Variants in STK38 observed in about 807,000 individuals in gnomAD.
The protein encoded by STK38 is serine/threonine-protein kinase 38.
Under a neutral mutation model 59.0 loss-of-function variants are expected in STK38, and 26 were observed. That is an observed-to-expected ratio of 0.44 (90% CI 0.32 to 0.61). The LOEUF (loss-of-function observed/expected upper bound fraction) is 0.61, where lower values mean the gene tolerates loss of function less well. Among genes scored for constraint, STK38 ranks in the 20% least tolerant of loss-of-function variants. The probability of loss-of-function intolerance (pLI) is 0.04; values close to 1 mark genes in which losing one functional copy is unlikely to be tolerated. For missense variants in STK38, 433 were observed against 566.0 expected, an observed-to-expected ratio of 0.76 and a Z score of 2.38; for synonymous variants, 175 against 176.6, an observed-to-expected ratio of 0.99 and a Z score of 0.07.
At chr6:36,539,247 G>A (rs187465064) in intron 2 of STK38, among the ~76,000 whole-genome samples, 220 of 151,934 alleles carry the variant, frequency 1.4e-3, no homozygotes, top group African/African-American at 4.9e-3. Context: ...TTAGCCAGGC[G>A]TGGTGGCTCA....
At chr6:36,535,423 T>C (rs1198755647) in intron 2 of STK38, among the ~76,000 whole-genome samples, 1 of 151,996 alleles carries the variant, frequency 6.6e-6, no homozygotes, top group Non-Finnish European at 1.5e-5. Context: ...CACTCCAGCC[T>C]GGGCAGCAAT....
Position 36,498,421 on chromosome 6 carries a change from T to A in STK38, c.1018A>T (p.Thr340Ser). 6.2e-7 allele frequency: 1 copy of A among 1,614,092 alleles called. No individual in the cohort carries two copies. Among genetic ancestry groups the A allele is most frequent in the Non-Finnish European group, 8.5e-7 (1 of 1,179,998 alleles). Residue 340 changes from threonine to serine, a missense_variant, in exon 11 of 14, where the codon ACT (threonine) becomes TCT (serine). Physicochemically the swap from Thr to Ser is moderately conservative, Grantham distance 58 (BLOSUM62 1). Transcript: ENST00000229812. ...TYKKVMNWKE[T>S]LTFPPEVPIS... is the part of the protein sequence containing the mutation. The stretch of plus-strand genomic sequence containing the variant: ...GGAACTTCTGGAGGAAAAGTCAAAG[T>A]TTCTTTCCAGTTCATCACCTTCTTA...
At chr6:36,525,008 G>C (rs1777476335) in intron 3 of STK38, among the ~76,000 whole-genome samples, 1 of 152,066 alleles carries the variant, frequency 6.6e-6, no homozygotes, top group African/African-American at 2.4e-5. Context: ...GGGTGGAAGG[G>C]CTGATTTGAG....
intron 9 of STK38, among the ~76,000 whole-genome samples, chr6:36,502,828 C>G (rs552691128): frequency 2.6e-5 from 4 of 152,254 alleles, no homozygotes; most frequent in African/African-American, 9.6e-5. Flanking sequence ...TAAATGAGAT[C>G]TTAGTTTTAT....
intron 6 of STK38, among the ~76,000 whole-genome samples, chr6:36,516,413 T>C (rs567164512): frequency 6.6e-6 from 1 of 152,340 alleles, no homozygotes; most frequent in African/African-American, 2.4e-5. Context: ...TCACTTATGT[T>C]AGAAAACAAG....
intron 5 of STK38, 26 bp downstream of exon 5, chr6:36,521,701 TAAGCTAA>T: frequency 6.7e-7 from 1 of 1,498,912 alleles, no homozygotes; most frequent in Non-Finnish European, 8.9e-7. Context: ...CAAAAATTAA[TAAGCTAA>T]AAGCACTGCT....
At chr6:36,525,521 T>A (rs1293753266) in intron 3 of STK38, 70 bp downstream of exon 3, 10 of 1,441,162 alleles carry the variant, frequency 6.9e-6, no homozygotes, top group Admixed American at 1.7e-5. Flanking sequence ...GTACCAAGGC[T>A]AACAACTCAC....
chr6:36,500,099 A>C, intron 9 of STK38, 109 bp from the exon 10 acceptor site: 1 of 816,916 alleles, frequency 1.2e-6, no homozygotes, highest in African/African-American at 1.7e-5. Context: ...CCCCAAGCTA[A>C]ATAAGCAGGA....
At chr6:36,498,063 C>T (rs1355370156) in intron 11 of STK38, among the ~76,000 whole-genome samples, 188 bp from the exon 12 acceptor site, 1 of 151,826 alleles carries the variant, frequency 6.6e-6, no homozygotes, top group Non-Finnish European at 1.5e-5. Flanking sequence ...TCTCAGCCTC[C>T]CAAGTGGCTG....
rs13194686 is a variant in STK38 at position 36,516,156 on chromosome 6, G to C, written c.515-664C>G. Among the ~76,000 whole-genome samples, 392 of 152,204 alleles carry C rather than the reference G, an allele frequency of 2.6e-3. 1 individual carries two copies. Among genetic ancestry groups the C allele is most frequent in the Non-Finnish European group, 4.5e-3 (308 of 68,006 alleles). On this transcript the variant is annotated intron_variant, in intron 6 of 13. Transcript: ENST00000229812. ...TTTTTTTCTCTAGTGCGTTATTATA[G>C]GTATTTAAATGGACACTAGTACCCT...
chr6:36,518,557 C>A (rs1421968064), intron 5 of STK38, among the ~76,000 whole-genome samples: 2 of 152,266 alleles, frequency 1.3e-5, no homozygotes, highest in East Asian at 1.9e-4. Context: ...ATCCCCCCCA[C>A]ACACACTTTT....
At chr6:36,522,601 A>C (rs983888097) in intron 4 of STK38, 3 of 152,202 alleles carry the variant, frequency 2.0e-5, no homozygotes, top group African/African-American at 7.2e-5. Flanking sequence ...TCACACCTAT[A>C]ATCTCAGCAC....
At position 36,498,582 on chromosome 6, in the gene STK38, CTTTTTTCTTTTTT is replaced by C. The variant is rs1198021000; in HGVS notation, c.953-109_953-97del. On this transcript the variant is annotated intron_variant, in intron 10 of 13. Coordinates refer to ENST00000229812, the MANE Select transcript of STK38 (RefSeq NM_007271.4). ...AATAAAATTCTATGTCTTTTTTTTT[CTTTTTTCTTTTTT>C]TTTTTTTTTTGAGACAGGGTCTCAC... 13 of 1,039,302 alleles carry C rather than the reference CTTTTTTCTTTTTT, an allele frequency of 1.3e-5. No homozygotes were observed. The African/African-American group carries it at 2.2e-4, about 18-fold the overall frequency. The allele number at this position is 1,039,302 out of a possible 1,614,324, so 64.4% of individuals were successfully genotyped here.
At position 36,495,852 on chromosome 6, in the gene STK38, T is replaced by G; in HGVS notation, c.1330A>C (p.Thr444Pro). Reference sequence around the variant, plus strand: ...GTCAGGCCCTCAAAGCGCTTGTACGTGTAATTGATGAAGACCCAGTCTTTG... The same window carrying G: ...GTCAGGCCCTCAAAGCGCTTGTACGGGTAATTGATGAAGACCCAGTCTTTG... Reference protein sequence around the residue: ...KNKDWVFINYTYKRFEGLTAR... With the variant: ...KNKDWVFINYPYKRFEGLTAR... The change falls in exon 14 of 14, where the codon ACG becomes CCG. Residue 444 changes from threonine to proline, a missense_variant. Transcript: ENST00000229812. 6.2e-7 allele frequency: 1 copy of G among 1,613,906 alleles called. No homozygotes were observed.
chr6:36,500,093 A>T lies in STK38; in HGVS notation c.835-103T>A. 6.0e-6 allele frequency: 5 copies of T among 839,426 alleles called. No individual in the cohort carries two copies. In the South Asian group the frequency reaches 6.9e-5, roughly 12 times the overall value. 52.0% of individuals were successfully genotyped at this position (839,426 alleles called of 1,614,324 possible). A position where few individuals can be genotyped will look rare whatever the true frequency, so the allele number is the denominator to read the frequency against. ...ATGAGTAACATCAGAAGCTACCCCCAAGCTAAATAAGCAGGACTGCCCAGT... is the reference window on the plus strand; with the variant it reads ...ATGAGTAACATCAGAAGCTACCCCCTAGCTAAATAAGCAGGACTGCCCAGT... On this transcript the variant is annotated intron_variant, in intron 9 of 13. Coordinates refer to ENST00000229812, the MANE Select transcript of STK38 (RefSeq NM_007271.4).
At chr6:36,539,059 T>C (rs1001971354) in intron 2 of STK38, among the ~76,000 whole-genome samples, 1 of 152,006 alleles carries the variant, frequency 6.6e-6, no homozygotes, top group African/African-American at 2.4e-5. Context: ...TTCTGAATAC[T>C]TTCATAGTAA....
intron 4 of STK38, 35 bp from the exon 5 acceptor site, chr6:36,521,852 C>A: frequency 6.5e-7 from 1 of 1,547,118 alleles, no homozygotes; most frequent in South Asian, 1.1e-5. Context: ...AAGTCAAAAA[C>A]TCGTACTACC....
chr6:36,530,303 C>A (rs67640018), intron 2 of STK38, among the ~76,000 whole-genome samples: 1 of 150,818 alleles, frequency 6.6e-6, no homozygotes, highest in African/African-American at 2.4e-5. Flanking sequence ...AAGAGGGGAG[C>A]GGAGGGGGAG....
At chr6:36,507,467 A>T in intron 8 of STK38, 33 bp downstream of exon 8, 1 of 1,586,438 alleles carries the variant, frequency 6.3e-7, no homozygotes, top group Non-Finnish European at 8.7e-7. Context: ...GCCCAGTTAG[A>T]ACGAAAAGGC....
Sources: gnomAD v4.1 joint callset for allele counts (sites outside exome capture counted in the v4.1 genomes callset) on GRCh38, gnomAD v4.1.1 for gene constraint, MANE v1.5 for transcripts, NCBI Gene and HGNC (gene_info 2026-07-23, HGNC 2026-07-21) for gene names.